The following TAGLN3 variants were observed in gnomAD, a reference collection of about 807,000 sequenced individuals.
TAGLN3 encodes the protein transgelin 3.
Under a neutral mutation model 25.4 loss-of-function variants are expected in TAGLN3, and 12 were observed. The ratio of observed to expected loss-of-function variants is 0.47; its 90% CI spans 0.30 to 0.77. TAGLN3 has a LOEUF of 0.77. TAGLN3 is among the 30% of genes least tolerant of loss of function. The pLI, the probability that TAGLN3 is intolerant of heterozygous loss-of-function variation, is 0.06. For missense variants in TAGLN3, 218 were observed against 255.8 expected (o/e 0.85, Z 1.01); for synonymous variants, 96 against 94.8 (o/e 1.01, Z -0.08).
At chr3:112,010,742 TG>T (rs1475808313) in intron 3 of TAGLN3, among the ~76,000 whole-genome samples, 7 of 151,900 alleles carry the variant, frequency 4.6e-5, no homozygotes, top group Admixed American at 1.3e-4. Context: ...ACATGGGAGG[TG>T]GGGGTAGAGG....
intron 3 of TAGLN3, among the ~76,000 whole-genome samples, chr3:112,004,799 C>G (rs1208081475): frequency 1.3e-5 from 2 of 152,002 alleles, no homozygotes; most frequent in Non-Finnish European, 2.9e-5. Context: ...TGGAAAGACA[C>G]TCACTCTGTC....
Position 112,000,885 on chromosome 3 carries a change from A to C in TAGLN3, c.294A>C (p.Lys98Asn), listed in dbSNP as rs375985663. Residue 98 changes from lysine to asparagine, a missense_variant, in exon 3 of 5, where the codon AAA (lysine) becomes AAC (asparagine). Coordinates refer to ENST00000478951, the MANE Select transcript of TAGLN3 (RefSeq NM_001008272.2). ...KQMEQISQFL[K>N]AAETYGVRTT... is the part of the protein sequence containing the mutation. ...TGGAGCAAATCTCCCAGTTCCTAAA[A>C]GCTGCGGAGACCTATGGTGTCAGAA... The C allele has an allele frequency of 6.2e-7, 1 of 1,614,084 alleles. No individual in the cohort carries two copies. Among genetic ancestry groups the C allele is most frequent in the Non-Finnish European group, 8.5e-7 (1 of 1,180,040 alleles).
rs1258833503 is a variant in TAGLN3 at position 111,999,152 on chromosome 3, C to T, written c.-3+38C>T. Reference sequence around the variant, plus strand: ...TATATCATCTGGTCTCATTGATAGGCGGGATAGGGAGGGGGATTCCAGCCC... The same window carrying T: ...TATATCATCTGGTCTCATTGATAGGTGGGATAGGGAGGGGGATTCCAGCCC... On this transcript the variant is annotated intron_variant, in intron 1 of 4. Transcript: ENST00000478951. The T allele has an allele frequency of 4.0e-5, 14 of 353,292 alleles. No individual in the cohort carries two copies. In the East Asian group the frequency reaches 6.2e-4, roughly 16 times the overall value. 21.9% of individuals were successfully genotyped at this position (353,292 alleles called of 1,614,324 possible).
chr3:112,001,264 C>G (rs557870992), intron 3 of TAGLN3, among the ~76,000 whole-genome samples: 7 of 152,276 alleles, frequency 4.6e-5, no homozygotes, highest in African/African-American at 1.7e-4. Context: ...CAAATCACAG[C>G]TACCAGAGGA....
At chr3:112,013,304 G>T in intron 4 of TAGLN3, 106 bp from the exon 5 acceptor site, 1 of 1,419,048 alleles carries the variant, frequency 7.0e-7, no homozygotes, top group South Asian at 1.4e-5. Flanking sequence ...GGTAGGACCT[G>T]CTGATCTATT....
At position 112,013,510 on chromosome 3, in the gene TAGLN3, G is replaced by C; in HGVS notation, c.559G>C (p.Ala187Pro). 2 of 1,614,214 alleles carry C rather than the reference G, an allele frequency of 1.2e-6. No homozygotes were observed. The highest frequency in any genetic ancestry group is 1.7e-6 in the Non-Finnish European group (2 of 1,180,018). ...GGGCAGCAACAAGGGAGCCTCCCAGGCGGGCATGACAGGGTACGGGATGCC... is the reference window on the plus strand; with the variant it reads ...GGGCAGCAACAAGGGAGCCTCCCAGCCGGGCATGACAGGGTACGGGATGCC... ...QMGSNKGASQAGMTGYGMPRQ... is the reference protein window; with the variant it reads ...QMGSNKGASQPGMTGYGMPRQ... Residue 187 changes from alanine (A) to proline (P), a missense_variant, in exon 5 of 5, where the codon GCG becomes CCG. Ala to Pro is a conservative substitution (Grantham distance 27). Coordinates refer to ENST00000478951, the MANE Select transcript of TAGLN3 (RefSeq NM_001008272.2).
intron 3 of TAGLN3, among the ~76,000 whole-genome samples, chr3:112,010,160 A>T (rs1457116729): frequency 6.6e-6 from 1 of 152,062 alleles, no homozygotes; most frequent in Non-Finnish European, 1.5e-5. Context: ...GTCTAGTTCT[A>T]TAGTTTAATA....
intron 3 of TAGLN3, among the ~76,000 whole-genome samples, chr3:112,011,029 C>T (rs1231341717): frequency 6.6e-6 from 1 of 152,206 alleles, no homozygotes; most frequent in African/African-American, 2.4e-5. Context: ...TCCCTTTTAA[C>T]CCTATGCTTT....
chr3:112,005,734 C>G (rs2072910310), intron 3 of TAGLN3, among the ~76,000 whole-genome samples: 1 of 134,868 alleles, frequency 7.4e-6, no homozygotes, highest in South Asian at 2.4e-4. Context: ...GAGTCTCACT[C>G]TGTCGCCCAG....
chr3:112,000,720 A>G, intron 2 of TAGLN3, 52 bp from the exon 3 acceptor site: 2 of 1,576,152 alleles, frequency 1.3e-6, no homozygotes, highest in Admixed American at 3.4e-5. Context: ...CTCATTCTTG[A>G]CCTGTAAATA....
intron 3 of TAGLN3, among the ~76,000 whole-genome samples, chr3:112,007,209 C>T (rs973947746): frequency 2.6e-5 from 4 of 152,152 alleles, no homozygotes; most frequent in African/African-American, 7.2e-5. Flanking sequence ...ACATCCCCTA[C>T]GAAAGGAGCA....
At chr3:112,005,536 T>A (rs898579676) in intron 3 of TAGLN3, among the ~76,000 whole-genome samples, 24 of 152,050 alleles carry the variant, frequency 1.6e-4, no homozygotes, top group Non-Finnish European at 3.1e-4. Context: ...GAGGTTCAAA[T>A]ATATTCTCTG....
chr3:112,005,490 G>GAT (rs1559942778), intron 3 of TAGLN3, among the ~76,000 whole-genome samples: 1 of 152,092 alleles, frequency 6.6e-6, no homozygotes, highest in African/African-American at 2.4e-5. Flanking sequence ...TGATGACTGG[G>GAT]AGTTAGGGAG....
chr3:112,000,590 G>A (rs2072844566), intron 2 of TAGLN3, 182 bp from the exon 3 acceptor site: 3 of 583,526 alleles, frequency 5.1e-6, no homozygotes, highest in African/African-American at 1.8e-5. Context: ...GGTCCTCTGG[G>A]TCTTTGGGGC....
chr3:111,999,160 G>A (rs1316949163), intron 1 of TAGLN3, 46 bp downstream of exon 1: 1 of 382,422 alleles, frequency 2.6e-6, no homozygotes, highest in Non-Finnish European at 4.8e-6. Context: ...GGCGGGATAG[G>A]GAGGGGGATT....
At chr3:112,005,594 G>T (rs13096844) in intron 3 of TAGLN3, among the ~76,000 whole-genome samples, 87,483 of 151,948 alleles carry the variant, frequency 0.58, 28,848 homozygotes, top group Non-Finnish European at 0.76. Flanking sequence ...GAGTGAAGAG[G>T]TATTTCACAC....
intron 2 of TAGLN3, 90 bp from the exon 3 acceptor site, chr3:112,000,682 C>A: frequency 1.4e-6 from 2 of 1,398,976 alleles, no homozygotes; most frequent in Non-Finnish European, 9.9e-7. Flanking sequence ...ACTGGATGAG[C>A]AGTGTCCCAC....
In TAGLN3 at chr3:111,999,333, A is replaced by C. The variant is rs116424385; in HGVS notation, c.-2-88A>C. Reference sequence around the variant, plus strand: ...TTGCTGCTGCTGGGCCAGGTTGCCCAGCCATATCCCAGCCCCGTCTGCAGG... The same window carrying C: ...TTGCTGCTGCTGGGCCAGGTTGCCCCGCCATATCCCAGCCCCGTCTGCAGG... On this transcript the variant is annotated intron_variant, in intron 1 of 4. Coordinates refer to ENST00000478951, the MANE Select transcript of TAGLN3 (RefSeq NM_001008272.2). 1,631 of 1,463,436 alleles carry C rather than the reference A, an allele frequency of 1.1e-3. 8 individuals carry two copies. The African/African-American group carries it at 0.019, about 17-fold the overall frequency. The allele number at this position is 1,463,436 out of a possible 1,614,324, so 90.7% of individuals were successfully genotyped here. A position where few individuals can be genotyped will look rare whatever the true frequency, so the allele number is the denominator to read the frequency against.
intron 3 of TAGLN3, among the ~76,000 whole-genome samples, chr3:112,006,622 G>A (rs1248878646): frequency 1.3e-5 from 2 of 152,222 alleles, no homozygotes; most frequent in East Asian, 3.8e-4. Flanking sequence ...ATAGCTCTGA[G>A]ACAAAGAACT....
Sources: gnomAD v4.1 joint callset for allele counts (sites outside exome capture counted in the v4.1 genomes callset) on GRCh38, gnomAD v4.1.1 for gene constraint, MANE v1.5 for transcripts, NCBI Gene and HGNC (gene_info 2026-07-23, HGNC 2026-07-21) for gene names.